Variants in OPCML observed in about 807,000 individuals in gnomAD.
The protein encoded by OPCML is opioid binding protein/cell adhesion molecule like.
OPCML carries 13 observed loss-of-function variants against 37.8 expected under a neutral mutation model. The observed-to-expected ratio is 0.34, with a 90% confidence interval of 0.22 to 0.55. The LOEUF is 0.55. Ranked by LOEUF, OPCML falls within the 20% of genes least tolerant of loss-of-function variation. OPCML has a pLI of 0.91. For missense variants in OPCML, 341 were observed against 435.6 expected, an observed-to-expected ratio of 0.78 and a Z score of 1.93; for synonymous variants, 176 against 168.8, an observed-to-expected ratio of 1.04 and a Z score of -0.33.
At chr11:132,680,594 G>T (rs921567634) in intron 2 of OPCML, among the ~76,000 whole-genome samples, 1 of 152,186 alleles carries the variant, frequency 6.6e-6, no homozygotes, top group Non-Finnish European at 1.5e-5. Context: ...GAGCTGGGGC[G>T]GCTGCGGCCA....
chr11:132,962,551 T>A (rs1408505074), intron 1 of OPCML, among the ~76,000 whole-genome samples: 1 of 152,218 alleles, frequency 6.6e-6, no homozygotes, highest in East Asian at 1.9e-4. Flanking sequence ...AGGAAAACCC[T>A]GCTATTATTC....
chr11:133,197,647 A>C (rs538696568), intron 1 of OPCML, among the ~76,000 whole-genome samples: 1 of 152,346 alleles, frequency 6.6e-6, no homozygotes, highest in African/African-American at 2.4e-5. Context: ...TGGAAGGCTG[A>C]CAAATGGTGT....
intron 4 of OPCML, among the ~76,000 whole-genome samples, chr11:132,507,064 CTTAAAG>C (rs912897886): frequency 2.8e-4 from 42 of 149,996 alleles, no homozygotes; most frequent in African/African-American, 9.8e-4. Context: ...GAAATACAAT[CTTAAAG>C]TTAGATAAGG....
chr11:133,501,636 G>A (rs902903097), intron 1 of OPCML, among the ~76,000 whole-genome samples: 1 of 152,090 alleles, frequency 6.6e-6, no homozygotes, highest in East Asian at 1.9e-4. Context: ...CTTGGGGGAA[G>A]TCAGTCCATC....
At chr11:133,497,507 A>G (rs1303928929) in intron 1 of OPCML, among the ~76,000 whole-genome samples, 1 of 151,830 alleles carries the variant, frequency 6.6e-6, no homozygotes, top group African/African-American at 2.4e-5. Flanking sequence ...GACTTCTAAT[A>G]TTTTAGGAGC....
At chr11:132,675,566 G>A (rs551204872) in intron 2 of OPCML, among the ~76,000 whole-genome samples, 1 of 152,032 alleles carries the variant, frequency 6.6e-6, no homozygotes, top group East Asian at 1.9e-4. Context: ...AAAAACGCAA[G>A]TAGAATGAAT....
chr11:132,713,793 C>T (rs1190322527), intron 2 of OPCML, among the ~76,000 whole-genome samples: 1 of 152,208 alleles, frequency 6.6e-6, no homozygotes, highest in Non-Finnish European at 1.5e-5. Flanking sequence ...TCTCCACCTG[C>T]AGGAAGCTGC....
chr11:133,287,602 T>G (rs1942340164), intron 1 of OPCML, among the ~76,000 whole-genome samples: 2 of 147,190 alleles, frequency 1.4e-5, no homozygotes, highest in Admixed American at 1.4e-4. Context: ...TGTGAACCAG[T>G]GTATAGAGGA....
chr11:132,677,471 A>G (rs889405308), intron 2 of OPCML, among the ~76,000 whole-genome samples: 1 of 152,160 alleles, frequency 6.6e-6, no homozygotes, highest in Non-Finnish European at 1.5e-5. Context: ...GTAAAATAAT[A>G]AAGTTGGAGA....
intron 4 of OPCML, among the ~76,000 whole-genome samples, chr11:132,458,978 T>C (rs1276809466): frequency 3.3e-5 from 5 of 152,330 alleles, no homozygotes; most frequent in African/African-American, 1.2e-4. Context: ...AATGGTAGTT[T>C]CTTAAAGCTT....
At chr11:132,539,694 ATGT>A (rs1463120452) in intron 3 of OPCML, among the ~76,000 whole-genome samples, 3 of 151,952 alleles carry the variant, frequency 2.0e-5, no homozygotes, top group African/African-American at 2.4e-5. Flanking sequence ...GGTAATGGTG[ATGT>A]TGATGATAAT....
intron 3 of OPCML, among the ~76,000 whole-genome samples, chr11:132,643,974 C>CGTGGTCGT (rs1941009395): frequency 6.6e-6 from 1 of 152,184 alleles, no homozygotes; most frequent in South Asian, 2.1e-4. Flanking sequence ...AAACACTCCT[C>CGTGGTCGT]GTGGTCGTCT....
At chr11:133,422,224 C>T in intron 1 of OPCML, 1 of 984,732 alleles carries the variant, frequency 1.0e-6, no homozygotes. Context: ...GATTTTATAC[C>T]TGAGAGCCCC....
chr11:133,006,350 T>G (rs1947112205), intron 1 of OPCML: 5 of 739,560 alleles, frequency 6.8e-6, no homozygotes, highest in East Asian at 1.3e-4. Flanking sequence ...TTACTACCAT[T>G]GAAATGGTCT....
At chr11:133,153,850 G>A (rs1348922318) in intron 1 of OPCML, among the ~76,000 whole-genome samples, 1 of 152,072 alleles carries the variant, frequency 6.6e-6, no homozygotes, top group Non-Finnish European at 1.5e-5. Context: ...TCACACGTGG[G>A]GGCTCCATCT....
At chr11:133,055,152 G>A (rs11223346) in intron 1 of OPCML, among the ~76,000 whole-genome samples, 3 of 143,026 alleles carry the variant, frequency 2.1e-5, no homozygotes, top group Non-Finnish European at 3.0e-5. Context: ...GACCCCATGA[G>A]GGAGCCGCCT....
chr11:132,922,114 G>A (rs773658425), intron 2 of OPCML, among the ~76,000 whole-genome samples: 3 of 151,908 alleles, frequency 2.0e-5, no homozygotes, highest in Admixed American at 6.6e-5. Context: ...TCCTGACCTC[G>A]TGATCCACCC....
At chr11:133,384,264 AAGAAAAG>A (rs1194937986) in intron 1 of OPCML, among the ~76,000 whole-genome samples, 6 of 36,514 alleles carry the variant, frequency 1.6e-4, no homozygotes, top group African/African-American at 5.9e-4. Context: ...AAAAAAAAAA[AAGAAAAG>A]AAAAGAAAAG....
intron 1 of OPCML, among the ~76,000 whole-genome samples, chr11:133,330,458 T>C (rs998569226): frequency 1.3e-5 from 2 of 152,080 alleles, no homozygotes; most frequent in African/African-American, 2.4e-5. Context: ...AACGATAGAC[T>C]GGATTAAGAA....
Sources: allele counts gnomAD v4.1 joint callset (sites outside exome capture counted in the v4.1 genomes callset), GRCh38; gene constraint gnomAD v4.1.1; transcripts MANE v1.5; gene names NCBI Gene and HGNC (gene_info 2026-07-23, HGNC 2026-07-21).